The following WDR93 variants were observed in gnomAD, a reference collection of about 807,000 sequenced individuals.
WDR93 encodes the protein WD repeat domain 93.
WDR93 carries 73 observed loss-of-function variants against 82.9 expected under a neutral mutation model. That is an observed-to-expected ratio of 0.88 (90% CI 0.73 to 1.07). The LOEUF (loss-of-function observed/expected upper bound fraction) is 1.07. Ranked by LOEUF, WDR93 falls within the 50% of genes least tolerant of loss-of-function variation. The pLI is 0.00. For synonymous variants in WDR93, 283 were observed against 300.1 expected, an observed-to-expected ratio of 0.94 and a Z score of 0.59; for missense variants, 738 against 826.0, an observed-to-expected ratio of 0.89 and a Z score of 1.31.
intron 13 of WDR93, 137 bp from the exon 14 acceptor site, chr15:89,735,353 T>C: frequency 1.3e-6 from 1 of 744,168 alleles, no homozygotes; most frequent in Non-Finnish European, 2.2e-6. Context: ...TTGTTCTTAA[T>C]TTTTTGCTAC....
chr15:89,703,386 GA>G (rs1965569079), intron 3 of WDR93: 1 of 540,564 alleles, frequency 1.8e-6, no homozygotes, highest in African/African-American at 1.9e-5. Context: ...TTCCTGTTCA[GA>G]AGAGGCAACT....
chr15:89,715,840 T>C (rs1368892003), intron 6 of WDR93, among the ~76,000 whole-genome samples: 3 of 152,192 alleles, frequency 2.0e-5, no homozygotes, highest in Non-Finnish European at 4.4e-5. Context: ...CGCCTCGGCC[T>C]CCCAAAGTGC....
rs1429209930 is a variant in WDR93, at chr15:89,738,043, G to A, written c.1768G>A (p.Asp590Asn). ...ATGGTGTTCTTGTCTCGTCACAGGA[G>A]ACTATTCACATGAAACTGCGTCCAC... Reference protein sequence around the residue: ...PDHPCFLLRGDYSHETASTDD... With the variant: ...PDHPCFLLRGNYSHETASTDD... The change falls in exon 16 of 17, where the codon GAC (aspartate) becomes AAC (asparagine). Residue 590 changes from aspartate (D) to asparagine (N), a missense_variant and splice_region_variant. By Grantham distance (23) the Asp-to-Asn change is conservative (BLOSUM62 1). Coordinates refer to ENST00000268130, the MANE Select transcript of WDR93 (RefSeq NM_020212.2). 10 of 1,608,204 alleles carry A rather than the reference G, an allele frequency of 6.2e-6. No homozygotes were observed. The highest frequency in any genetic ancestry group is 6.8e-6 in the Non-Finnish European group (8 of 1,177,128).
At chr15:89,714,942 T>C (rs768828758) in intron 5 of WDR93, 38 bp from the exon 6 acceptor site, 1 of 1,569,924 alleles carries the variant, frequency 6.4e-7, no homozygotes. Context: ...TGTGGCTCTC[T>C]TACAGTTGCT....
At chr15:89,735,691 TAGAAAG>T (rs1456656162) in intron 14 of WDR93, 138 bp downstream of exon 14, 2 of 858,134 alleles carry the variant, frequency 2.3e-6, no homozygotes, top group Non-Finnish European at 3.7e-6. Context: ...GGTTTACAAA[TAGAAAG>T]AGAAAGAACC....
At chr15:89,736,896 A>G (rs1470413297) in intron 14 of WDR93, among the ~76,000 whole-genome samples, 1 of 149,906 alleles carries the variant, frequency 6.7e-6, no homozygotes, top group Non-Finnish European at 1.5e-5. Context: ...GGTTCACACC[A>G]TTCTCCTGCC....
intron 1 of WDR93, among the ~76,000 whole-genome samples, chr15:89,700,940 ATATATT>A (rs60981317): frequency 0.02 from 3,053 of 151,626 alleles, 122 homozygotes; most frequent in African/African-American, 0.07. Context: ...TACAGACTTT[ATATATT>A]TATAAGTTGA....
chr15:89,716,329 G>C (rs1431110630), intron 6 of WDR93, among the ~76,000 whole-genome samples: 3 of 152,120 alleles, frequency 2.0e-5, no homozygotes, highest in Admixed American at 2.0e-4. Flanking sequence ...TAAATTTCTA[G>C]ATTGTTAAGA....
intron 1 of WDR93, among the ~76,000 whole-genome samples, chr15:89,692,800 G>A (rs1026464179): frequency 6.6e-6 from 1 of 152,086 alleles, no homozygotes; most frequent in African/African-American, 2.4e-5. Context: ...TAGAGATGGT[G>A]TTTCACCATG....
At chr15:89,697,535 G>A (rs1965241222) in intron 1 of WDR93, among the ~76,000 whole-genome samples, 1 of 152,204 alleles carries the variant, frequency 6.6e-6, no homozygotes, top group Non-Finnish European at 1.5e-5. Context: ...AACTTAGTAA[G>A]AGTTGGTTTA....
chr15:89,739,423 C>T (rs907581875), intron 16 of WDR93, among the ~76,000 whole-genome samples: 14 of 152,228 alleles, frequency 9.2e-5, no homozygotes, highest in Non-Finnish European at 1.6e-4. Flanking sequence ...TCAGATAAAC[C>T]GTTATGTGTG....
chr15:89,690,576 C>A (rs1964815823), upstream of WDR93: 3 of 1,550,926 alleles, frequency 1.9e-6, no homozygotes, highest in African/African-American at 2.7e-5. Flanking sequence ...ACCTGACTCA[C>A]CTGAAGAGTC....
At chr15:89,732,854 G>A in intron 12 of WDR93, 152 bp from the exon 13 acceptor site, 1 of 721,120 alleles carries the variant, frequency 1.4e-6, no homozygotes, top group South Asian at 1.7e-5. Flanking sequence ...TTGGGCACTA[G>A]GTTTACTGAT....
chr15:89,705,680 T>C, intron 4 of WDR93, 62 bp downstream of exon 4: 1 of 1,100,896 alleles, frequency 9.1e-7, no homozygotes, highest in South Asian at 1.3e-5. Context: ...AGTTTATTTT[T>C]AATATGGAAG....
At chr15:89,707,849 A>G (rs1365036363) in intron 4 of WDR93, among the ~76,000 whole-genome samples, 1 of 152,252 alleles carries the variant, frequency 6.6e-6, no homozygotes, top group Non-Finnish European at 1.5e-5. Flanking sequence ...GTGAATGTTC[A>G]TAGCAGCTTT....
At chr15:89,690,896 C>T (rs1212420365) in intron 1 of WDR93, 39 bp downstream of exon 1, 2 of 454,338 alleles carry the variant, frequency 4.4e-6, no homozygotes, top group African/African-American at 2.0e-5. Flanking sequence ...GCCGGGGCTC[C>T]CCTCGAGTCC....
intron 1 of WDR93, among the ~76,000 whole-genome samples, chr15:89,697,103 A>G (rs1965215943): frequency 6.6e-6 from 1 of 152,004 alleles, no homozygotes; most frequent in South Asian, 2.1e-4. Flanking sequence ...ACTGAGGTGC[A>G]CGCCACCCCC....
Position 89,731,542 on chromosome 15 carries a change from C to A in WDR93, c.1310C>A (p.Thr437Lys), listed in dbSNP as rs754197706. The A allele has an allele frequency of 1.2e-6, 2 of 1,614,004 alleles. No individual in the cohort carries two copies. The highest frequency in any genetic ancestry group is 1.7e-6 in the Non-Finnish European group (2 of 1,180,020). The change falls in exon 12 of 17, where the codon ACG (threonine) becomes AAG (lysine). Residue 437 changes from threonine to lysine, a missense_variant. Thr to Lys is a moderately conservative substitution (Grantham distance 78, BLOSUM62 -1). Transcript: ENST00000268130. ...LVLACEDGVL[T>K]LWDLAKGFPL... ...CTGGCCTGCGAGGATGGTGTGCTCA[C>A]GCTGTGGGACCTGGCCAAAGGTAAG...
chr15:89,691,897 G>C (rs1206824565), intron 1 of WDR93, among the ~76,000 whole-genome samples: 1 of 152,124 alleles, frequency 6.6e-6, no homozygotes, highest in African/African-American at 2.4e-5. Flanking sequence ...AATATAGTCT[G>C]TTTTCCTACA....
Sources: allele counts gnomAD v4.1 joint callset (sites outside exome capture counted in the v4.1 genomes callset), GRCh38; gene constraint gnomAD v4.1.1; transcripts MANE v1.5; gene names NCBI Gene and HGNC (gene_info 2026-07-23, HGNC 2026-07-21).